The following FREM1 variants were observed in gnomAD, a reference collection of about 807,000 sequenced individuals.
The protein encoded by FREM1 is FRAS1-related extracellular matrix protein 1.
A neutral mutation model predicts 210.1 loss-of-function variants in FREM1; 220 were observed. The observed-to-expected ratio is 1.05, with a 90% CI of 0.94 to 1.17. The LOEUF (loss-of-function observed/expected upper bound fraction) is 1.17, where lower values mean the gene tolerates loss of function less well. Among genes scored for constraint, FREM1 ranks in the 50% most tolerant of loss-of-function variants. The pLI is 0.00. For missense variants in FREM1, 3,454 were observed against 2,675.5 expected (o/e 1.29, Z -6.42); for synonymous variants, 1,189 against 980.2 (o/e 1.21, Z -3.98).
chr9:14,774,246 A>G (rs530496120), intron 25 of FREM1: 1 of 489,032 alleles, frequency 2.0e-6, no homozygotes, highest in African/African-American at 2.0e-5. Context: ...TGTGTATTAG[A>G]TGGGATTACG....
intron 10 of FREM1, among the ~76,000 whole-genome samples, chr9:14,825,230 G>A (rs902574049): frequency 6.6e-6 from 1 of 151,988 alleles, no homozygotes; most frequent in African/African-American, 2.4e-5. Flanking sequence ...GGTCACCCCT[G>A]TAATCTCAGC....
chr9:14,843,212 C>T (rs973797707), intron 8 of FREM1, among the ~76,000 whole-genome samples: 2 of 152,182 alleles, frequency 1.3e-5, no homozygotes, highest in Non-Finnish European at 2.9e-5. Flanking sequence ...GGCTCTTGGG[C>T]CTTTGAACTC....
intron 18 of FREM1, 51 bp downstream of exon 18, chr9:14,806,610 T>G (rs1455697785): frequency 2.8e-6 from 3 of 1,081,686 alleles, no homozygotes; most frequent in Non-Finnish European, 4.2e-6. Flanking sequence ...GCCAATCGCT[T>G]CCATAAATAT....
At chr9:14,811,995 A>C (rs938368966) in intron 16 of FREM1, among the ~76,000 whole-genome samples, 1 of 152,152 alleles carries the variant, frequency 6.6e-6, no homozygotes, top group Non-Finnish European at 1.5e-5. Flanking sequence ...GTTACCAAGG[A>C]AGTTTCCCCA....
chr9:14,822,649 C>T (rs752632398), intron 13 of FREM1, among the ~76,000 whole-genome samples: 1 of 152,164 alleles, frequency 6.6e-6, no homozygotes. Flanking sequence ...GGTAGCAATG[C>T]CTTTGTAGTT....
In FREM1 at chr9:14,769,878, GAAAT is replaced by G; in HGVS notation, c.5060-14_5060-11del. The G allele has an allele frequency of 7.5e-7, 1 of 1,339,634 alleles. No homozygotes were observed. The highest frequency in any genetic ancestry group is 1.0e-6 in the Non-Finnish European group (1 of 960,708). The allele number at this position is 1,339,634 out of a possible 1,614,324, so 83.0% of individuals were successfully genotyped here. On this transcript the variant is annotated splice_polypyrimidine_tract_variant and intron_variant, in intron 26 of 36. Coordinates refer to ENST00000380880, the MANE Select transcript of FREM1 (RefSeq NM_001379081.2). ...TCATGGATAAATTCACCTAAAAAAA[GAAAT>G]AAATGAATATCATGGGTAATCAAAC... is the stretch of plus-strand genomic sequence containing the variant.
At chr9:14,887,264 A>G (rs1167609619) in intron 1 of FREM1, among the ~76,000 whole-genome samples, 1 of 151,954 alleles carries the variant, frequency 6.6e-6, no homozygotes, top group East Asian at 1.9e-4. Flanking sequence ...TGACCTTACA[A>G]CTCCCTGAGG....
chr9:14,745,097 A>T (rs1220214085), intron 35 of FREM1, among the ~76,000 whole-genome samples: 1 of 152,154 alleles, frequency 6.6e-6, no homozygotes, highest in Non-Finnish European at 1.5e-5. Flanking sequence ...GGAACAACGC[A>T]CAGTGGGGTC....
chr9:14,761,821 C>T (rs1845547934), intron 27 of FREM1, among the ~76,000 whole-genome samples: 1 of 152,164 alleles, frequency 6.6e-6, no homozygotes, highest in Admixed American at 6.5e-5. Flanking sequence ...CTGCCAGCCA[C>T]AGTGTCACAG....
intron 2 of FREM1, 70 bp downstream of exon 2, chr9:14,868,674 T>TC (rs953807706): frequency 1.8e-5 from 17 of 955,334 alleles, no homozygotes; most frequent in Admixed American, 2.0e-5. Context: ...CTGTTCTCTG[T>TC]CCCCCCACAC....
Position 14,780,499 on chromosome 9 carries a change from C to T in FREM1, c.4442+3871G>A, listed in dbSNP as rs544317097. Among the ~76,000 whole-genome samples the T allele has an allele frequency of 6.1e-5, 9 of 148,186 alleles. No individual in the cohort carries two copies. In the East Asian group the frequency reaches 1.8e-3, roughly 29 times the overall value. On this transcript the variant is annotated intron_variant, in intron 24 of 36. Coordinates refer to ENST00000380880, the MANE Select transcript of FREM1 (RefSeq NM_001379081.2). ...AGGACATTAGCATGTTCTTTTAGTACCCGGCTGCCAGCAGCTGAAGTCAGC... is the reference window on the plus strand; with the variant it reads ...AGGACATTAGCATGTTCTTTTAGTATCCGGCTGCCAGCAGCTGAAGTCAGC...
In FREM1 at chr9:14,763,180, A is replaced by G. The variant is rs562344271; in HGVS notation, c.5205-3279T>C. Among the ~76,000 whole-genome samples, 18 of 152,220 alleles carry G rather than the reference A, an allele frequency of 1.2e-4. No homozygotes were observed. The South Asian group carries it at 3.7e-3, about 32-fold the overall frequency. On this transcript the variant is annotated intron_variant, in intron 27 of 36. Transcript: ENST00000380880. ...CTAAGCCTCTAAGTCAGGCTTTCCC[A>G]CCCATTTTGGACCAGACAATTCTTT...
intron 23 of FREM1, among the ~76,000 whole-genome samples, chr9:14,788,410 A>C: frequency 6.6e-6 from 1 of 152,226 alleles, no homozygotes; most frequent in Non-Finnish European, 1.5e-5. Flanking sequence ...TAAAGAGTAT[A>C]TGTTAGCACT....
At position 14,806,619 on chromosome 9, in the gene FREM1, A is replaced by G. The variant is rs754540732; in HGVS notation, c.3274+42T>C. 4.4e-6 allele frequency: 5 copies of G among 1,145,378 alleles called. No homozygotes were observed. The South Asian group carries it at 6.6e-5, about 15-fold the overall frequency. The allele number at this position is 1,145,378 out of a possible 1,614,324, so 71.0% of individuals were successfully genotyped here. A position where few individuals can be genotyped will look rare whatever the true frequency, so the allele number is the denominator to read the frequency against. On this transcript the variant is annotated intron_variant, in intron 18 of 36. Coordinates refer to ENST00000380880, the MANE Select transcript of FREM1 (RefSeq NM_001379081.2). Reference sequence around the variant, plus strand: ...GACCTGGCCAATCGCTTCCATAAATATAAGGAAGGGAGTCATTGCTGGTGA... The same window carrying G: ...GACCTGGCCAATCGCTTCCATAAATGTAAGGAAGGGAGTCATTGCTGGTGA...
chr9:14,804,452 G>T (rs1156863557), intron 19 of FREM1, among the ~76,000 whole-genome samples: 1 of 152,148 alleles, frequency 6.6e-6, no homozygotes, highest in Non-Finnish European at 1.5e-5. Context: ...GGGCGTGGTG[G>T]CGGGCACCTG....
At chr9:14,870,239 T>A (rs1013059170) in intron 1 of FREM1, among the ~76,000 whole-genome samples, 3 of 152,230 alleles carry the variant, frequency 2.0e-5, no homozygotes, top group Non-Finnish European at 2.9e-5. Context: ...ATTATCCACA[T>A]CTAATCTATT....
chr9:14,755,118 C>T (rs1587726245), intron 29 of FREM1, among the ~76,000 whole-genome samples: 1 of 152,296 alleles, frequency 6.6e-6, no homozygotes, highest in Admixed American at 6.5e-5. Flanking sequence ...TTCATGCTGA[C>T]AGCTTGATCT....
intron 27 of FREM1, among the ~76,000 whole-genome samples, chr9:14,761,247 C>T (rs901804176): frequency 8.5e-5 from 13 of 152,248 alleles, no homozygotes; most frequent in Admixed American, 7.9e-4. Flanking sequence ...ATGGATTAAG[C>T]TCACGAGCCA....
chr9:14,840,189 A>C (rs1326041660), intron 10 of FREM1, among the ~76,000 whole-genome samples: 2 of 152,218 alleles, frequency 1.3e-5, no homozygotes, highest in Non-Finnish European at 2.9e-5. Context: ...ATGGGAAGGC[A>C]TTATGTGACA....
Sources: gnomAD v4.1 joint callset for allele counts (sites outside exome capture counted in the v4.1 genomes callset) on GRCh38, gnomAD v4.1.1 for gene constraint, MANE v1.5 for transcripts, NCBI Gene and HGNC (gene_info 2026-07-23, HGNC 2026-07-21) for gene names.